The following FAF1 variants were observed in gnomAD, a reference collection of about 807,000 sequenced individuals.
FAF1 encodes Fas associated factor 1, also known as FAS-associated factor 1.
FAF1 carries 25 observed loss-of-function variants against 92.5 expected under a neutral mutation model. The ratio of observed to expected loss-of-function variants is 0.27; its 90% CI spans 0.20 to 0.38. The LOEUF (loss-of-function observed/expected upper bound fraction) is 0.38. FAF1 is among the 10% of genes least tolerant of loss of function. FAF1 has a pLI of 1.00. For missense variants in FAF1, 636 were observed against 793.3 expected, an observed-to-expected ratio of 0.80 and a Z score of 2.38; for synonymous variants, 234 against 273.2, an observed-to-expected ratio of 0.86 and a Z score of 1.42.
intron 9 of FAF1, among the ~76,000 whole-genome samples, chr1:50,592,216 A>T (rs941902411): frequency 6.6e-6 from 1 of 150,436 alleles, no homozygotes; most frequent in Admixed American, 6.6e-5. Flanking sequence ...TGAGCATTCA[A>T]TAAATGTTTC....
chr1:50,820,838 T>C (rs1233827027), intron 2 of FAF1, among the ~76,000 whole-genome samples: 1 of 151,398 alleles, frequency 6.6e-6, no homozygotes, highest in Non-Finnish European at 1.5e-5. Context: ...TTTTAATGGC[T>C]GAATAATAAT....
intron 2 of FAF1, among the ~76,000 whole-genome samples, chr1:50,837,924 TAGC>T (rs748267994): frequency 3.9e-5 from 6 of 152,218 alleles, no homozygotes; most frequent in Admixed American, 2.6e-4. Context: ...TTTGTATTTT[TAGC>T]AGAGACGGGG....
chr1:50,880,078 A>G (rs924185793), intron 1 of FAF1, among the ~76,000 whole-genome samples: 4 of 152,200 alleles, frequency 2.6e-5, no homozygotes, highest in Non-Finnish European at 5.9e-5. Context: ...TAAAACTTCT[A>G]TTTTGGCCAG....
chr1:50,803,043 T>A (rs935577155), intron 2 of FAF1, among the ~76,000 whole-genome samples: 2 of 152,204 alleles, frequency 1.3e-5, no homozygotes, highest in South Asian at 2.1e-4. Context: ...AGACAATAGA[T>A]ACCACAGAAC....
chr1:50,779,691 G>A (rs1661091780), intron 4 of FAF1, among the ~76,000 whole-genome samples: 1 of 151,924 alleles, frequency 6.6e-6, no homozygotes, highest in South Asian at 2.1e-4. Context: ...AAGTAAAAGA[G>A]TATTTGTATG....
At chr1:50,849,636 C>T (rs1644331446) in intron 2 of FAF1, among the ~76,000 whole-genome samples, 1 of 152,062 alleles carries the variant, frequency 6.6e-6, no homozygotes, top group Admixed American at 6.6e-5. Flanking sequence ...TACAGAATGA[C>T]TGACTATATA....
At chr1:50,882,474 T>C (rs1644619939) in intron 1 of FAF1, among the ~76,000 whole-genome samples, 1 of 151,732 alleles carries the variant, frequency 6.6e-6, no homozygotes, top group Non-Finnish European at 1.5e-5. Context: ...TGGTGACACA[T>C]GCCTGTAATC....
chr1:50,464,381 T>C (rs1196884370), intron 18 of FAF1, among the ~76,000 whole-genome samples: 1 of 152,118 alleles, frequency 6.6e-6, no homozygotes, highest in African/African-American at 2.4e-5. Context: ...ACCAGTTTAG[T>C]GTGGTTATGT....
intron 8 of FAF1, among the ~76,000 whole-genome samples, chr1:50,602,229 C>T (rs1313198616): frequency 2.0e-5 from 3 of 152,116 alleles, no homozygotes; most frequent in Non-Finnish European, 4.4e-5. Flanking sequence ...TTAAGAAGAA[C>T]AATTAATATG....
At chr1:50,642,897 A>G (rs1480376902) in intron 8 of FAF1, among the ~76,000 whole-genome samples, 1 of 151,816 alleles carries the variant, frequency 6.6e-6, no homozygotes, top group African/African-American at 2.4e-5. Context: ...TTAGAGTTCA[A>G]TGGCACGATC....
chr1:50,955,973 T>C (rs1645263381), intron 1 of FAF1, among the ~76,000 whole-genome samples: 1 of 152,182 alleles, frequency 6.6e-6, no homozygotes, highest in South Asian at 2.1e-4. Context: ...GGATGGTGGT[T>C]GCCAGGGGCT....
chr1:50,959,030 C>T (rs1645294273), intron 1 of FAF1, among the ~76,000 whole-genome samples: 1 of 152,184 alleles, frequency 6.6e-6, no homozygotes, highest in Non-Finnish European at 1.5e-5. Context: ...AGTGGCACTA[C>T]GACTGGGTTT....
chr1:50,936,528 T>C (rs1570160785), intron 1 of FAF1, among the ~76,000 whole-genome samples: 2 of 152,220 alleles, frequency 1.3e-5, no homozygotes, highest in South Asian at 4.1e-4. Context: ...AGCATCAAAG[T>C]ATTACTACAG....
intron 6 of FAF1, among the ~76,000 whole-genome samples, chr1:50,736,563 A>G (rs144618410): frequency 6.6e-6 from 1 of 152,144 alleles, no homozygotes; most frequent in Non-Finnish European, 1.5e-5. Context: ...CAGCCTGTCC[A>G]ACATGGTGAA....
intron 2 of FAF1, among the ~76,000 whole-genome samples, chr1:50,856,331 T>C (rs1037026794): frequency 2.6e-5 from 4 of 151,942 alleles, no homozygotes; most frequent in African/African-American, 9.6e-5. Flanking sequence ...GCACTTATTA[T>C]TGCAAAAGAA....
At chr1:50,800,365 G>C (rs1477931107) in intron 3 of FAF1, among the ~76,000 whole-genome samples, 2 of 152,098 alleles carry the variant, frequency 1.3e-5, no homozygotes, top group African/African-American at 4.8e-5. Context: ...AATAAAACTG[G>C]AGTGATATTT....
chr1:50,781,814 T>C (rs1661190328), intron 4 of FAF1, among the ~76,000 whole-genome samples: 1 of 152,060 alleles, frequency 6.6e-6, no homozygotes, highest in Non-Finnish European at 1.5e-5. Flanking sequence ...GCAACCAAAA[T>C]AAAATGAAGC....
At chr1:50,916,730 T>C (rs1395380417) in intron 1 of FAF1, among the ~76,000 whole-genome samples, 1 of 152,232 alleles carries the variant, frequency 6.6e-6, no homozygotes, top group Non-Finnish European at 1.5e-5. Context: ...CCTAGAAGAC[T>C]TAGGGAAACA....
At chr1:50,937,801 T>C (rs559642926) in intron 1 of FAF1, among the ~76,000 whole-genome samples, 1 of 152,328 alleles carries the variant, frequency 6.6e-6, no homozygotes, top group African/African-American at 2.4e-5. Flanking sequence ...TTCCTCTTCC[T>C]AATCCCTATT....
Sources: allele counts gnomAD v4.1 joint callset (sites outside exome capture counted in the v4.1 genomes callset), GRCh38; gene constraint gnomAD v4.1.1; transcripts MANE v1.5; gene names NCBI Gene and HGNC (gene_info 2026-07-23, HGNC 2026-07-21).